Variants in PARN observed in about 807,000 individuals in gnomAD.
The protein encoded by PARN is poly(A)-specific ribonuclease PARN.
Under a neutral mutation model 102.8 loss-of-function variants are expected in PARN, and 71 were observed. The observed-to-expected ratio is 0.69, with a 90% CI of 0.57 to 0.84. PARN has a LOEUF of 0.84. Among genes scored for constraint, PARN ranks in the 40% least tolerant of loss-of-function variants. The pLI, the probability that PARN is intolerant of heterozygous loss-of-function variation, is 0.00. For missense variants in PARN, 782 were observed against 760.9 expected (o/e 1.03, Z -0.33); for synonymous variants, 261 against 252.9 (o/e 1.03, Z -0.30).
At chr16:14,603,930 G>A (rs1971026499) in intron 11 of PARN, among the ~76,000 whole-genome samples, 1 of 152,170 alleles carries the variant, frequency 6.6e-6, no homozygotes, top group Non-Finnish European at 1.5e-5. Flanking sequence ...AGTAGACACT[G>A]GTCATCAGTG....
intron 21 of PARN, among the ~76,000 whole-genome samples, chr16:14,546,047 A>G (rs1327181300): frequency 1.3e-5 from 2 of 152,246 alleles, no homozygotes; most frequent in African/African-American, 2.4e-5. Flanking sequence ...GAGAGAGATC[A>G]ACAAAATGGT....
chr16:14,597,850 T>A (rs1044390169), intron 12 of PARN, among the ~76,000 whole-genome samples: 4 of 151,772 alleles, frequency 2.6e-5, no homozygotes, highest in African/African-American at 4.8e-5. Flanking sequence ...TTCAAAAGTA[T>A]CCAAGTTATA....
At chr16:14,556,016 G>T (rs1014123851) in intron 18 of PARN, among the ~76,000 whole-genome samples, 1 of 151,672 alleles carries the variant, frequency 6.6e-6, no homozygotes, top group Non-Finnish European at 1.5e-5. Context: ...TGTATTTTTA[G>T]TACAAACGGG....
At chr16:14,615,156 A>T (rs1971815043) in intron 6 of PARN, among the ~76,000 whole-genome samples, 1 of 152,206 alleles carries the variant, frequency 6.6e-6, no homozygotes, top group Non-Finnish European at 1.5e-5. Flanking sequence ...AGTCAGATTT[A>T]GAGCATATCA....
chr16:14,481,161 CA>C (rs1963359641), intron 22 of PARN, among the ~76,000 whole-genome samples: 1 of 151,924 alleles, frequency 6.6e-6, no homozygotes, highest in African/African-American at 2.4e-5. Context: ...CATATGCAGA[CA>C]AAAAAATTAT....
intron 12 of PARN, among the ~76,000 whole-genome samples, chr16:14,598,966 G>C (rs1166419832): frequency 6.6e-6 from 1 of 151,384 alleles, no homozygotes; most frequent in African/African-American, 2.4e-5. Flanking sequence ...CAAGCAAGCT[G>C]TCTAGAACAA....
In PARN at chr16:14,630,214, T is replaced by G; in HGVS notation, c.-89A>C. The G allele has an allele frequency of 8.5e-7, 1 of 1,175,992 alleles. No individual in the cohort carries two copies. The highest frequency in any genetic ancestry group is 1.2e-6 in the Non-Finnish European group (1 of 821,822). The allele number at this position is 1,175,992 out of a possible 1,614,324, so 72.8% of individuals were successfully genotyped here. A position where few individuals can be genotyped will look rare whatever the true frequency, so the allele number is the denominator to read the frequency against. ...CCGAATTCCGCGGCGACTGCGGCAG[T>G]AGCTGAGGCAGCCGCAGCGGTGACG... On this transcript the variant is annotated 5_prime_UTR_variant, in exon 1 of 24. Transcript: ENST00000437198.
chr16:14,625,013 C>CA (rs1022625530), intron 5 of PARN, among the ~76,000 whole-genome samples: 14 of 147,534 alleles, frequency 9.5e-5, no homozygotes, highest in Admixed American at 2.7e-4. Flanking sequence ...AACTCCATCT[C>CA]AAAAAAAAAA....
chr16:14,480,120 G>C (rs1340127982), intron 22 of PARN, among the ~76,000 whole-genome samples: 1 of 152,012 alleles, frequency 6.6e-6, no homozygotes, highest in African/African-American at 2.4e-5. Context: ...ATCACTTGAG[G>C]CCAGGAGTTC....
Position 14,446,951 on chromosome 16 carries a change from G to C in PARN, c.1801C>G (p.Leu601Val). The change falls in exon 23 of 24, where the codon CTC becomes GTC. Residue 601 changes from leucine (L) to valine (V), a missense_variant. Leu to Val is a conservative substitution (Grantham distance 32). Coordinates refer to ENST00000437198, the MANE Select transcript of PARN (RefSeq NM_002582.4). ...TTGGCCTTTTTCCTTCCCTCTGAGAGGGGCTCTGCACAGGAATCGGTCTGC... is the reference window on the plus strand; with the variant it reads ...TTGGCCTTTTTCCTTCCCTCTGAGACGGGCTCTGCACAGGAATCGGTCTGC... Reference protein sequence around the residue: ...LEQTDSCAEPLSEGRKKAKKL... With the variant: ...LEQTDSCAEPVSEGRKKAKKL... The C allele has an allele frequency of 6.2e-7, 1 of 1,613,668 alleles. No individual in the cohort carries two copies. The highest frequency in any genetic ancestry group is 8.5e-7 in the Non-Finnish European group (1 of 1,179,728).
At chr16:14,514,208 G>T (rs1965344112) in intron 21 of PARN, among the ~76,000 whole-genome samples, 2 of 152,012 alleles carry the variant, frequency 1.3e-5, no homozygotes, top group African/African-American at 4.8e-5. Flanking sequence ...TTTTTGAGAT[G>T]GAGTTTTGCT....
chr16:14,464,095 G>A (rs1247493274), intron 22 of PARN, among the ~76,000 whole-genome samples: 15 of 152,044 alleles, frequency 9.9e-5, no homozygotes, highest in African/African-American at 2.9e-4. Flanking sequence ...CACCTGCCCC[G>A]GCCTCCCAAA....
At chr16:14,627,508 C>T (rs1386694801) in intron 3 of PARN, among the ~76,000 whole-genome samples, 172 bp from the exon 4 acceptor site, 5 of 152,184 alleles carry the variant, frequency 3.3e-5, no homozygotes, top group Non-Finnish European at 5.9e-5. Flanking sequence ...GTATACATTT[C>T]ATAATACTTT....
intron 22 of PARN, among the ~76,000 whole-genome samples, chr16:14,479,770 T>C (rs1366152915): frequency 6.6e-6 from 1 of 151,996 alleles, no homozygotes; most frequent in African/African-American, 2.4e-5. Flanking sequence ...AAGAAAACTC[T>C]TTTAAACAAA....
intron 18 of PARN, among the ~76,000 whole-genome samples, 161 bp from the exon 19 acceptor site, chr16:14,555,870 T>C (rs1041252752): frequency 6.6e-6 from 1 of 152,118 alleles, no homozygotes; most frequent in Non-Finnish European, 1.5e-5. Flanking sequence ...TTATTTCTAT[T>C]ATTTATTTTT....
At chr16:14,560,872 T>C (rs1394289081) in intron 18 of PARN, among the ~76,000 whole-genome samples, 1 of 152,190 alleles carries the variant, frequency 6.6e-6, no homozygotes, top group Non-Finnish European at 1.5e-5. Flanking sequence ...ACAGGCGGTA[T>C]AGGCCGGGCG....
At chr16:14,575,368 G>C (rs1425485641) in intron 18 of PARN, among the ~76,000 whole-genome samples, 1 of 152,226 alleles carries the variant, frequency 6.6e-6, no homozygotes, top group Non-Finnish European at 1.5e-5. Flanking sequence ...AAAGCCACAG[G>C]AGCAGAGCTG....
chr16:14,538,368 C>T (rs901033785), intron 21 of PARN, among the ~76,000 whole-genome samples: 2 of 151,592 alleles, frequency 1.3e-5, no homozygotes, highest in Non-Finnish European at 2.9e-5. Context: ...ACAGGTGCAA[C>T]GCCACCATGC....
At chr16:14,626,641 T>G (rs1161232523) in intron 5 of PARN, among the ~76,000 whole-genome samples, 1 of 151,676 alleles carries the variant, frequency 6.6e-6, no homozygotes, top group Non-Finnish European at 1.5e-5. Flanking sequence ...AGCCAGAGTC[T>G]CGCTCTGTTG....
Sources: allele counts gnomAD v4.1 joint callset (sites outside exome capture counted in the v4.1 genomes callset), GRCh38; gene constraint gnomAD v4.1.1; transcripts MANE v1.5; gene names NCBI Gene and HGNC (gene_info 2026-07-23, HGNC 2026-07-21).